KRT38: variants seen among roughly 807,000 people sequenced by gnomAD.
The protein encoded by KRT38 is keratin 38, also known as keratin, type I cuticular Ha8.
A neutral mutation model predicts 43.1 loss-of-function variants in KRT38; 45 were observed. The ratio of observed to expected loss-of-function variants is 1.04; its 90% CI spans 0.82 to 1.34. The LOEUF (loss-of-function observed/expected upper bound fraction) is 1.34. Among genes scored for constraint, KRT38 ranks in the 40% most tolerant of loss-of-function variants. The probability of loss-of-function intolerance (pLI) is 0.00; values close to 1 mark genes in which losing one functional copy is unlikely to be tolerated. For synonymous variants in KRT38, 258 were observed against 244.0 expected, an observed-to-expected ratio of 1.06 and a Z score of -0.53; for missense variants, 627 against 586.2, an observed-to-expected ratio of 1.07 and a Z score of -0.72.
rs575754883 is a variant in KRT38 at position 41,437,278 on chromosome 17, T to A, written c.*134A>T. The A allele has an allele frequency of 7.9e-5, 70 of 881,272 alleles. No homozygotes were observed. The Middle Eastern group carries it at 3.3e-3, about 42-fold the overall frequency. 54.6% of individuals were successfully genotyped at this position (881,272 alleles called of 1,614,324 possible). ...GGAAGGATTTCCATCAAGATTCCAC[T>A]GTCCCTGGTATCTCATAGCCTTTGG... On this transcript the variant is annotated 3_prime_UTR_variant, in exon 7 of 7. Coordinates refer to ENST00000246646, the MANE Select transcript of KRT38 (RefSeq NM_006771.4).
At chr17:41,438,336 A>T (rs780961137) in intron 5 of KRT38, 23 bp from the exon 6 acceptor site, 13 of 1,609,624 alleles carry the variant, frequency 8.1e-6, no homozygotes, top group Non-Finnish European at 9.3e-6. Context: ...ATAAGGGGAT[A>T]AAATATACAA....
intron 3 of KRT38, 94 bp from the exon 4 acceptor site, chr17:41,438,952 G>A: frequency 2.0e-6 from 3 of 1,468,764 alleles, no homozygotes; most frequent in Non-Finnish European, 2.8e-6. Context: ...CAAGCAGTAG[G>A]AGGGGAGTCC....
In KRT38 at chr17:41,440,228, C is replaced by A; in HGVS notation, c.508G>T (p.Ala170Ser). The part of the protein sequence containing the change: ...ELQQKILCSK[A>S]ENARLIVQID... ...TGTACAATCAGCCTGGCATTCTCGGCCTTGCTGCACAGGATCTGAGGAGAA... is the reference window on the plus strand; with the variant it reads ...TGTACAATCAGCCTGGCATTCTCGGACTTGCTGCACAGGATCTGAGGAGAA... Residue 170 changes from alanine to serine, a missense_variant, in exon 2 of 7, where the codon GCC becomes TCC. Physicochemically the swap from Ala to Ser is moderately conservative, Grantham distance 99. Transcript: ENST00000246646. 6.2e-7 allele frequency: 1 copy of A among 1,614,182 alleles called. No homozygotes were observed.
rs750008111 is a variant in KRT38, at chr17:41,438,585, C to G, written c.926G>C (p.Cys309Ser). 3 of 1,614,034 alleles carry G rather than the reference C, an allele frequency of 1.9e-6. No homozygotes were observed. The highest frequency in any genetic ancestry group is 3.3e-5 in the Admixed American group (2 of 60,004). The change falls in exon 5 of 7, where the codon TGC (cysteine) becomes TCC (serine). Residue 309 changes from cysteine (C) to serine (S), a missense_variant. By Grantham distance (112) the Cys-to-Ser change is moderately radical (BLOSUM62 -1). Coordinates refer to ENST00000246646, the MANE Select transcript of KRT38 (RefSeq NM_006771.4). Reference sequence around the variant, plus strand: ...CTGGCAGCACTGCAGCTCCTCGGAGCAGGACATGTCCTGCAGGCTGATGCC... The same window carrying G: ...CTGGCAGCACTGCAGCTCCTCGGAGGAGGACATGTCCTGCAGGCTGATGCC... ...SEGISLQDMS[C>S]SEELQCCQSE... is the part of the protein sequence containing the mutation.
At position 41,440,572 on chromosome 17, in the gene KRT38, T is replaced by A. The variant is rs374690854; in HGVS notation, c.350A>T (p.Asn117Ile). The change falls in exon 1 of 7, where the codon AAC becomes ATC. Residue 117 changes from asparagine (N) to isoleucine (I), a missense_variant. Coordinates refer to ENST00000246646, the MANE Select transcript of KRT38 (RefSeq NM_006771.4). ...CAGCTGGCGCACCTTCTCCAGGTAG[T>A]TGGCCAGGCGGTCATTCAGGAACTG... is the stretch of plus-strand genomic sequence containing the variant. ...TMQFLNDRLA[N>I]YLEKVRQLEQ... The A allele has an allele frequency of 3.1e-6, 5 of 1,614,130 alleles. No homozygotes were observed. In the African/African-American group the frequency reaches 5.3e-5, roughly 17 times the overall value.
intron 3 of KRT38, 131 bp from the exon 4 acceptor site, chr17:41,438,989 G>A (rs2018764718): frequency 1.5e-6 from 2 of 1,318,944 alleles, no homozygotes; most frequent in Non-Finnish European, 2.1e-6. Flanking sequence ...GGAAAGTCTT[G>A]CCCAGAGGGC....
Position 41,437,549 on chromosome 17 carries a change from G to A in KRT38, c.1242-8C>T. On this transcript the variant is annotated splice_polypyrimidine_tract_variant and splice_region_variant and intron_variant, in intron 6 of 6. Transcript: ENST00000246646. ...CACGGATTGCAGGGGAGTCTGCAGA[G>A]AGACAAGGTGAGGGAAGTGAGAGGC... The A allele has an allele frequency of 6.4e-7, 1 of 1,558,232 alleles. No individual in the cohort carries two copies.
chr17:41,440,646 A>G lies in KRT38; in HGVS notation c.276T>C (p.Cys92=). Residue 92 remains cysteine, a synonymous_variant, in exon 1 of 7, where the codon TGT becomes TGC. Coordinates refer to ENST00000246646, the MANE Select transcript of KRT38 (RefSeq NM_006771.4). ...TCAGGGTGTTTTCACCATAGGCCCC[A>G]CAGATTCCAATGTTGCCAGGAATGT... The part of the protein sequence containing the change: ...TCHIPGNIGI[C]GAYGENTLNG... 1.9e-6 allele frequency: 3 copies of G among 1,614,170 alleles called. No homozygotes were observed. Among genetic ancestry groups the G allele is most frequent in the Non-Finnish European group, 2.5e-6 (3 of 1,180,024 alleles).
At position 41,440,502 on chromosome 17, in the gene KRT38, G is replaced by T; in HGVS notation, c.420C>A (p.Ser140Arg). Residue 140 changes from serine to arginine, a missense_variant, in exon 1 of 7, where the codon AGC becomes AGA. Physicochemically the swap from Ser to Arg is moderately radical, Grantham distance 110. Transcript: ENST00000246646. ...AELEATLLER[S>R]KCHESTVCPD... ...GGCACACGGTGGACTCGTGGCACTT[G>T]CTCCTCTCGAGGAGTGTGGCCTCCA... 1 of 1,614,256 alleles carries T rather than the reference G, an allele frequency of 6.2e-7. No individual in the cohort carries two copies. Among genetic ancestry groups the T allele is most frequent in the South Asian group, 1.1e-5 (1 of 91,088 alleles).
rs753649036 is a variant in KRT38, at chr17:41,440,533, G to T, written c.389C>A (p.Ala130Glu). ...EKVRQLEQENAELEATLLERS... is the reference protein window; with the variant it reads ...EKVRQLEQENEELEATLLERS... Reference sequence around the variant, plus strand: ...CTCGAGGAGTGTGGCCTCCAGCTCCGCATTCTCCTGCTCCAGCTGGCGCAC... The same window carrying T: ...CTCGAGGAGTGTGGCCTCCAGCTCCTCATTCTCCTGCTCCAGCTGGCGCAC... Residue 130 changes from alanine (A) to glutamate (E), a missense_variant, in exon 1 of 7, where the codon GCG becomes GAG. Ala to Glu is a moderately radical substitution (Grantham distance 107, BLOSUM62 -1). Transcript: ENST00000246646. The T allele has an allele frequency of 1.9e-6, 3 of 1,614,230 alleles. No individual in the cohort carries two copies. The highest frequency in any genetic ancestry group is 2.5e-6 in the Non-Finnish European group (3 of 1,180,036).
At chr17:41,439,133 A>G (rs997750487) in intron 3 of KRT38, 70 bp downstream of exon 3, 6 of 1,532,514 alleles carry the variant, frequency 3.9e-6, no homozygotes, top group Non-Finnish European at 5.3e-6. Context: ...ATGCTCTGAG[A>G]GCCCGGGGCT....
Position 41,437,374 on chromosome 17 carries a change from T to G in KRT38, c.*38A>C. ...TATAACAAGCATCTCTCTTTGGGTA[T>G]CCCTCGCCTTAGCCAGCCCCTGTGG... On this transcript the variant is annotated 3_prime_UTR_variant, in exon 7 of 7. Coordinates refer to ENST00000246646, the MANE Select transcript of KRT38 (RefSeq NM_006771.4). The G allele has an allele frequency of 6.7e-7, 1 of 1,502,154 alleles. No individual in the cohort carries two copies. The highest frequency in any genetic ancestry group is 8.8e-7 in the Non-Finnish European group (1 of 1,131,568). 93.1% of individuals were successfully genotyped at this position (1,502,154 alleles called of 1,614,324 possible). A position where few individuals can be genotyped will look rare whatever the true frequency, so the allele number is the denominator to read the frequency against.
At chr17:41,439,915 G>A (rs969356181) in intron 2 of KRT38, among the ~76,000 whole-genome samples, 4 of 152,112 alleles carry the variant, frequency 2.6e-5, no homozygotes, top group African/African-American at 9.7e-5. Flanking sequence ...TTTTGCTCCT[G>A]GTTAATGAAC....
intron 2 of KRT38, among the ~76,000 whole-genome samples, 184 bp downstream of exon 2, chr17:41,439,975 CAT>C (rs2018776629): frequency 6.6e-6 from 1 of 152,218 alleles, no homozygotes; most frequent in Admixed American, 6.5e-5. Flanking sequence ...GGAAGACAAA[CAT>C]ATATGCTTGG....
In KRT38 at chr17:41,438,716, T is replaced by C; in HGVS notation, c.875A>G (p.Glu292Gly). The C allele has an allele frequency of 3.7e-6, 6 of 1,613,756 alleles. No individual in the cohort carries two copies. The highest frequency in any genetic ancestry group is 5.1e-6 in the Non-Finnish European group (6 of 1,179,932). ...ACTCACCTGGGCTTGGAACCACTGT[T>C]CCACATCCTGGCGGTTGGTCTCCAA... ...AMLETNRQDV[E>G]QWFQAQSEGI... The change falls in exon 4 of 7, where the codon GAA becomes GGA. Residue 292 changes from glutamate to glycine, a missense_variant. Glu to Gly is a moderately conservative substitution (Grantham distance 98). Coordinates refer to ENST00000246646, the MANE Select transcript of KRT38 (RefSeq NM_006771.4).
chr17:41,438,350 C>T, intron 5 of KRT38, 37 bp from the exon 6 acceptor site: 2 of 1,605,828 alleles, frequency 1.2e-6, no homozygotes, highest in Non-Finnish European at 8.5e-7. Flanking sequence ...TATACAAGGC[C>T]CCAAGGGAAA....
In KRT38 at chr17:41,438,320, T is replaced by C. The variant is rs1272290046; in HGVS notation, c.1021-7A>G. The C allele has an allele frequency of 8.1e-6, 13 of 1,612,690 alleles. No homozygotes were observed. Among genetic ancestry groups the C allele is most frequent in the African/African-American group, 1.3e-5 (1 of 74,784 alleles). The stretch of plus-strand genomic sequence containing the variant: ...AGTTCTGCAGACAGTCCTTCTGTAG[T>C]GGGAAATAAGGGGATAAAATATACA... On this transcript the variant is annotated splice_polypyrimidine_tract_variant and splice_region_variant and intron_variant, in intron 5 of 6. Coordinates refer to ENST00000246646, the MANE Select transcript of KRT38 (RefSeq NM_006771.4).
rs1333078595 is a variant in KRT38 at position 41,440,622 on chromosome 17, C to T, written c.300G>A (p.Leu100=). 6.2e-7 allele frequency: 1 copy of T among 1,614,224 alleles called. No individual in the cohort carries two copies. Among genetic ancestry groups the T allele is most frequent in the East Asian group, 2.2e-5 (1 of 44,872 alleles). ...GICGAYGENT[L]NGHEKETMQF... ...GCATGGTCTCCTTCTCATGGCCATT[C>T]AGGGTGTTTTCACCATAGGCCCCAC... The change falls in exon 1 of 7, where the codon CTG becomes CTA. Residue 100 remains leucine (L), a synonymous_variant. Transcript: ENST00000246646.
rs749319056 is a variant in KRT38 at position 41,438,592 on chromosome 17, T to C, written c.919A>G (p.Met307Val). Residue 307 changes from methionine (M) to valine (V), a missense_variant, in exon 5 of 7, where the codon ATG becomes GTG. Met to Val is a conservative substitution (Grantham distance 21, BLOSUM62 1). Coordinates refer to ENST00000246646, the MANE Select transcript of KRT38 (RefSeq NM_006771.4). ...CACTGCAGCTCCTCGGAGCAGGACA[T>C]GTCCTGCAGGCTGATGCCTTCAGAC... ...AQSEGISLQD[M>V]SCSEELQCCQ... 1.9e-6 allele frequency: 3 copies of C among 1,614,100 alleles called. No homozygotes were observed. Among genetic ancestry groups the C allele is most frequent in the East Asian group, 4.5e-5 (2 of 44,854 alleles).
Sources: allele counts gnomAD v4.1 joint callset (sites outside exome capture counted in the v4.1 genomes callset), GRCh38; gene constraint gnomAD v4.1.1; transcripts MANE v1.5; gene names NCBI Gene and HGNC (gene_info 2026-07-23, HGNC 2026-07-21).